RASSF2: variants seen among roughly 807,000 people sequenced by gnomAD.
RASSF2 encodes the protein ras association domain-containing protein 2.
A neutral mutation model predicts 46.3 loss-of-function variants in RASSF2; 34 were observed. The observed-to-expected ratio is 0.73, with a 90% CI of 0.56 to 0.98. The LOEUF (loss-of-function observed/expected upper bound fraction) is 0.98, where lower values mean the gene tolerates loss of function less well. RASSF2 is among the 50% of genes least tolerant of loss of function. RASSF2 has a pLI of 0.00. For missense variants in RASSF2, 364 were observed against 431.2 expected (o/e 0.84, Z 1.38); for synonymous variants, 158 against 162.5 (o/e 0.97, Z 0.21).
intron 8 of RASSF2, 114 bp downstream of exon 8, chr20:4,789,482 T>A: frequency 1.2e-6 from 1 of 828,934 alleles, no homozygotes; most frequent in Non-Finnish European, 1.9e-6. Context: ...ACCGAAGCCC[T>A]CTGCTCAGCA....
At position 4,781,892 on chromosome 20, in the gene RASSF2, C is replaced by T. The variant is rs1487142166; in HGVS notation, c.*2381G>A. ...TGAGAAAATCTGCTCCACACTGTGGCAAAGTGTCTCTGTTTCAACTGCTGC... is the reference window on the plus strand; with the variant it reads ...TGAGAAAATCTGCTCCACACTGTGGTAAAGTGTCTCTGTTTCAACTGCTGC... On this transcript the variant is annotated 3_prime_UTR_variant, in exon 12 of 12. Transcript: ENST00000379400. The T allele has an allele frequency of 5.9e-5, 9 of 152,220 alleles. No homozygotes were observed. 9.4% of individuals were successfully genotyped at this position (152,220 alleles called of 1,614,324 possible). A position where few individuals can be genotyped will look rare whatever the true frequency, so the allele number is the denominator to read the frequency against.
intron 2 of RASSF2, among the ~76,000 whole-genome samples, chr20:4,818,907 G>C (rs942018198): frequency 6.6e-6 from 1 of 152,188 alleles, no homozygotes; most frequent in African/African-American, 2.4e-5. Flanking sequence ...ATTGCTGTGA[G>C]ATACTTATTA....
chr20:4,798,522 C>A lies in RASSF2; in HGVS notation c.60-437G>T, dbSNP rs146795305. On this transcript the variant is annotated intron_variant, in intron 3 of 11. Transcript: ENST00000379400. ...GTGAGGAAAGGACAATAATGATAGG[C>A]CTTCACAAGACTCAGAAGCTGGCTG... Among the ~76,000 whole-genome samples the A allele has an allele frequency of 8.5e-5, 13 of 152,242 alleles. No homozygotes were observed. The East Asian group carries it at 2.1e-3, about 25-fold the overall frequency.
At chr20:4,813,914 C>T (rs1162761025) in intron 2 of RASSF2, among the ~76,000 whole-genome samples, 5 of 152,032 alleles carry the variant, frequency 3.3e-5, no homozygotes, top group Non-Finnish European at 7.4e-5. Flanking sequence ...AACTAAAGAC[C>T]TAGAATGCTA....
At chr20:4,816,384 T>C (rs138305915) in intron 2 of RASSF2, among the ~76,000 whole-genome samples, 76 of 152,264 alleles carry the variant, frequency 5.0e-4, no homozygotes, top group Non-Finnish European at 9.3e-4. Flanking sequence ...TTGATTCCAT[T>C]GATATGAGGT....
rs188681091 is a variant in RASSF2, at chr20:4,817,029, C to T, written c.-33+5300G>A. Reference sequence around the variant, plus strand: ...CTGAGGCAGGAGAATTGCTTGCACCCGGGAGGCGGAGATTGCAGTGAGTTG... The same window carrying T: ...CTGAGGCAGGAGAATTGCTTGCACCTGGGAGGCGGAGATTGCAGTGAGTTG... On this transcript the variant is annotated intron_variant, in intron 2 of 11. Transcript: ENST00000379400. Among the ~76,000 whole-genome samples the T allele has an allele frequency of 4.7e-3, 715 of 152,214 alleles. 8 individuals carry two copies. Among genetic ancestry groups the T allele is most frequent in the Non-Finnish European group, 4.4e-3 (301 of 68,016 alleles).
Position 4,795,739 on chromosome 20 carries a change from A to G in RASSF2, c.287+76T>C, listed in dbSNP as rs1309779560. 2 of 1,510,156 alleles carry G rather than the reference A, an allele frequency of 1.3e-6. No homozygotes were observed. The highest frequency in any genetic ancestry group is 1.4e-5 in the African/African-American group (1 of 70,572). The allele number at this position is 1,510,156 out of a possible 1,614,324, so 93.5% of individuals were successfully genotyped here. The stretch of plus-strand genomic sequence containing the variant: ...GGGTCAGGGCTGGCTGGAAGAAGGC[A>G]GCATTTATCTGCTTGAGAACACATA... On this transcript the variant is annotated intron_variant, in intron 5 of 11. Transcript: ENST00000379400. This position sits in a 1 kb window ranked among gnomAD's most constrained non-coding sequence, Gnocchi z 4.0.
At chr20:4,795,000 T>C (rs1263597971) in intron 5 of RASSF2, among the ~76,000 whole-genome samples, 6 of 152,166 alleles carry the variant, frequency 3.9e-5, no homozygotes, top group Admixed American at 3.3e-4. Flanking sequence ...AAAAGGTCAC[T>C]GTGGTTTTGG....
chr20:4,807,414 G>A (rs1392856673), intron 2 of RASSF2, among the ~76,000 whole-genome samples: 1 of 151,604 alleles, frequency 6.6e-6, no homozygotes, highest in Non-Finnish European at 1.5e-5. Context: ...TATGGTAAAG[G>A]GCTAATGTCC....
chr20:4,811,209 C>A (rs1412037092), intron 2 of RASSF2, among the ~76,000 whole-genome samples: 1 of 62,554 alleles, frequency 1.6e-5, no homozygotes, highest in African/African-American at 5.1e-5. Context: ...AAAAAATTAG[C>A]CAGGCACAGT....
intron 2 of RASSF2, among the ~76,000 whole-genome samples, chr20:4,805,811 G>A (rs1175983412): frequency 1.3e-5 from 2 of 152,158 alleles, no homozygotes; most frequent in African/African-American, 2.4e-5. Context: ...GTGTGCTGCC[G>A]GATGAAACGT....
intron 2 of RASSF2, among the ~76,000 whole-genome samples, chr20:4,807,210 G>A (rs1414596392): frequency 6.6e-6 from 1 of 151,974 alleles, no homozygotes; most frequent in Non-Finnish European, 1.5e-5. Flanking sequence ...AGACAGGGAA[G>A]TGAAATCGCT....
In RASSF2 at chr20:4,788,228, T is replaced by C; in HGVS notation, c.680A>G (p.His227Arg). 1 of 1,602,322 alleles carries C rather than the reference T, an allele frequency of 6.2e-7. No homozygotes were observed. The highest frequency in any genetic ancestry group is 8.6e-7 in the Non-Finnish European group (1 of 1,169,224). The change falls in exon 9 of 12, where the codon CAT (histidine) becomes CGT (arginine). Residue 227 changes from histidine (H) to arginine (R), a missense_variant. Transcript: ENST00000379400. ...GTCTTCAGACTTACCACCACTCGTA[T>C]GGACCACGTACAAGGCAAACTCCTC... ...SAEEFALYVV[H>R]TSGEKQKLKA...
In RASSF2 at chr20:4,789,589, A is replaced by C; in HGVS notation, c.639+7T>G. 1 of 1,613,114 alleles carries C rather than the reference A, an allele frequency of 6.2e-7. No individual in the cohort carries two copies. On this transcript the variant is annotated splice_region_variant and intron_variant, in intron 8 of 11. Coordinates refer to ENST00000379400, the MANE Select transcript of RASSF2 (RefSeq NM_014737.3). The stretch of plus-strand genomic sequence containing the variant: ...CCATCTGTGGCCACTCAGCAAAGGG[A>C]ACTTGCCTTAAATTTGTTGAGCAGC...
rs573714160 is a variant in RASSF2, at chr20:4,801,138, G to A, written c.-32-76C>T. Reference sequence around the variant, plus strand: ...AACTCAGCAGAACTTGGGGTGGGGAGGGGGCACAAAATTGGACGCCATGGC... The same window carrying A: ...AACTCAGCAGAACTTGGGGTGGGGAAGGGGCACAAAATTGGACGCCATGGC... On this transcript the variant is annotated intron_variant, in intron 2 of 11. Transcript: ENST00000379400. 56 of 1,177,946 alleles carry A rather than the reference G, an allele frequency of 4.8e-5. 1 individual carries two copies. The South Asian group carries it at 6.8e-4, about 14-fold the overall frequency. The allele number at this position is 1,177,946 out of a possible 1,614,324, so 73.0% of individuals were successfully genotyped here.
intron 2 of RASSF2, among the ~76,000 whole-genome samples, chr20:4,804,977 A>G (rs542556924): frequency 8.6e-5 from 13 of 151,980 alleles, no homozygotes; most frequent in Non-Finnish European, 1.3e-4. Flanking sequence ...GGCAAAGATG[A>G]GGGGCGAGTA....
At position 4,780,993 on chromosome 20, in the gene RASSF2, A is replaced by G. The variant is rs564596749; in HGVS notation, c.*3280T>C. ...CAAAAAAAAAAAAAAGAAAGAAAGA[A>G]ACCTCTCTCGGCGATGTATCTGTGA... On this transcript the variant is annotated 3_prime_UTR_variant, in exon 12 of 12. Transcript: ENST00000379400. The G allele has an allele frequency of 7.3e-5, 11 of 151,570 alleles. No homozygotes were observed. In the East Asian group the frequency reaches 2.1e-3, roughly 29 times the overall value. The allele number at this position is 151,570 out of a possible 1,614,324, so 9.4% of individuals were successfully genotyped here. A position where few individuals can be genotyped will look rare whatever the true frequency, so the allele number is the denominator to read the frequency against.
chr20:4,784,015 T>G lies in RASSF2; in HGVS notation c.*258A>C. 1 of 531,652 alleles carries G rather than the reference T, an allele frequency of 1.9e-6. No individual in the cohort carries two copies. The highest frequency in any genetic ancestry group is 1.9e-5 in the African/African-American group (1 of 52,510). 32.9% of individuals were successfully genotyped at this position (531,652 alleles called of 1,614,324 possible). Reference sequence around the variant, plus strand: ...GACACGTACCATGTGTGCACACACATGTACACACACACATTTTGGGTCCTC... The same window carrying G: ...GACACGTACCATGTGTGCACACACAGGTACACACACACATTTTGGGTCCTC... On this transcript the variant is annotated 3_prime_UTR_variant, in exon 12 of 12. Transcript: ENST00000379400.
At chr20:4,791,405 A>T (rs1925866636) in intron 6 of RASSF2, among the ~76,000 whole-genome samples, 1 of 152,188 alleles carries the variant, frequency 6.6e-6, no homozygotes, top group African/African-American at 2.4e-5. Context: ...CATGGTTAAG[A>T]TGGTAAACGT....
Sources: allele counts gnomAD v4.1 joint callset (sites outside exome capture counted in the v4.1 genomes callset), GRCh38; gene constraint gnomAD v4.1.1; non-coding constraint Gnocchi (gnomAD v3.1); transcripts MANE v1.5; gene names NCBI Gene and HGNC (gene_info 2026-07-23, HGNC 2026-07-21).